The following TRIO variants were observed in gnomAD, a reference collection of about 807,000 sequenced individuals.
TRIO encodes the protein triple functional domain protein.
In TRIO, 58 loss-of-function variants were observed where a neutral mutation model predicts 351.9. The ratio of observed to expected loss-of-function variants is 0.16; its 90% CI spans 0.13 to 0.21. The LOEUF (loss-of-function observed/expected upper bound fraction) is 0.21. TRIO is among the 10% of genes least tolerant of loss of function. TRIO has a pLI of 1.00. For missense variants in TRIO, 3,201 were observed against 4,027.8 expected, an observed-to-expected ratio of 0.79 and a Z score of 5.56; for synonymous variants, 1,758 against 1,595.7, an observed-to-expected ratio of 1.10 and a Z score of -2.42.
chr5:14,379,823 T>C (rs1745907049), intron 20 of TRIO, among the ~76,000 whole-genome samples: 1 of 152,222 alleles, frequency 6.6e-6, no homozygotes. Flanking sequence ...CTGTTGCAGG[T>C]GGTGCCCCAT....
chr5:14,326,133 C>T (rs547835586), intron 9 of TRIO, among the ~76,000 whole-genome samples: 1 of 152,290 alleles, frequency 6.6e-6, no homozygotes, highest in Admixed American at 6.5e-5. Flanking sequence ...CCTGTGTCTT[C>T]ATCTGTAAGA....
chr5:14,481,420 A>G (rs1755504784), intron 44 of TRIO, 121 bp from the exon 45 acceptor site: 2 of 1,470,192 alleles, frequency 1.4e-6, no homozygotes, highest in Non-Finnish European at 1.9e-6. Context: ...GTGCATCTCC[A>G]TAAGCCCTGC....
intron 9 of TRIO, among the ~76,000 whole-genome samples, chr5:14,322,284 G>T (rs1017443337): frequency 6.6e-6 from 1 of 152,212 alleles, no homozygotes; most frequent in African/African-American, 2.4e-5. Context: ...ATGGGGGAGG[G>T]TTGGTCTTAT....
At chr5:14,373,120 G>A (rs1049727199) in intron 18 of TRIO, among the ~76,000 whole-genome samples, 2 of 152,166 alleles carry the variant, frequency 1.3e-5, no homozygotes, top group African/African-American at 4.8e-5. Context: ...TGCTGCACGA[G>A]AACAGCATGG....
intron 49 of TRIO, among the ~76,000 whole-genome samples, chr5:14,495,478 T>C (rs939465474): frequency 1.1e-4 from 16 of 152,012 alleles, no homozygotes; most frequent in Admixed American, 6.6e-4. Context: ...GGGAAGTCTT[T>C]TGTAACAAGG....
chr5:14,450,181 C>G (rs1388747879), intron 34 of TRIO, among the ~76,000 whole-genome samples: 5 of 152,206 alleles, frequency 3.3e-5, no homozygotes. Context: ...CCTCATATCT[C>G]TAGGACTCCT....
intron 1 of TRIO, among the ~76,000 whole-genome samples, chr5:14,150,391 G>C (rs1173255080): frequency 6.6e-6 from 1 of 151,992 alleles, no homozygotes; most frequent in Non-Finnish European, 1.5e-5. Context: ...GCAGTTACAT[G>C]TGTTAAAATT....
intron 27 of TRIO, among the ~76,000 whole-genome samples, chr5:14,393,402 C>T (rs12109453): frequency 6.6e-6 from 1 of 152,116 alleles, no homozygotes; most frequent in Non-Finnish European, 1.5e-5. Context: ...CCCTTATGCC[C>T]TAAAACATGT....
intron 7 of TRIO, among the ~76,000 whole-genome samples, chr5:14,302,640 A>G (rs1308196907): frequency 1.3e-5 from 2 of 152,240 alleles, no homozygotes. Context: ...GGATTTCCAT[A>G]AACAGTTATT....
At chr5:14,273,057 T>G (rs748235460) in intron 2 of TRIO, among the ~76,000 whole-genome samples, 2 of 152,124 alleles carry the variant, frequency 1.3e-5, no homozygotes, top group Non-Finnish European at 2.9e-5. Flanking sequence ...TTCCAGAACC[T>G]TTTCATCACC....
chr5:14,457,303 G>A (rs1753390194), intron 34 of TRIO, among the ~76,000 whole-genome samples: 1 of 149,262 alleles, frequency 6.7e-6, no homozygotes, highest in East Asian at 2.0e-4. Flanking sequence ...CTCATCAATG[G>A]CAGTTGTCAC....
chr5:14,468,568 G>T (rs1754449145), intron 37 of TRIO, among the ~76,000 whole-genome samples: 1 of 152,232 alleles, frequency 6.6e-6, no homozygotes, highest in Non-Finnish European at 1.5e-5. Flanking sequence ...GCATCACCCT[G>T]TGTTGGTTTC....
intron 1 of TRIO, among the ~76,000 whole-genome samples, chr5:14,182,619 C>T (rs139979356): frequency 2.3e-4 from 35 of 152,292 alleles, no homozygotes; most frequent in African/African-American, 8.2e-4. Context: ...GGAGCTTGGT[C>T]TGTAAGAAAA....
At chr5:14,359,866 T>C (rs919182009) in intron 13 of TRIO, among the ~76,000 whole-genome samples, 2 of 152,204 alleles carry the variant, frequency 1.3e-5, no homozygotes, top group African/African-American at 4.8e-5. Context: ...AAAACCTCGA[T>C]TGGGTTGCAC....
chr5:14,234,384 G>A (rs537867216), intron 1 of TRIO, among the ~76,000 whole-genome samples: 15 of 152,298 alleles, frequency 9.8e-5, no homozygotes, highest in Non-Finnish European at 5.9e-5. Flanking sequence ...ATCTGTGGGT[G>A]GGGTGGTAGC....
chr5:14,406,807 G>C, intron 33 of TRIO, 135 bp downstream of exon 33: 1 of 813,438 alleles, frequency 1.2e-6, no homozygotes, highest in Non-Finnish European at 2.0e-6. Flanking sequence ...AGTGGTGCCA[G>C]GATCCCGTGG....
chr5:14,441,985 T>C (rs907521635), intron 34 of TRIO, among the ~76,000 whole-genome samples: 1 of 152,204 alleles, frequency 6.6e-6, no homozygotes, highest in Non-Finnish European at 1.5e-5. Context: ...TAAGCTTCAC[T>C]TTGAGGAAAA....
At chr5:14,290,628 A>G in intron 4 of TRIO, 88 bp from the exon 5 acceptor site, 3 of 1,361,164 alleles carry the variant, frequency 2.2e-6, no homozygotes, top group Non-Finnish European at 2.0e-6. Context: ...TAACTTTGAA[A>G]ACCTGTGACT....
intron 31 of TRIO, 146 bp downstream of exon 31, chr5:14,401,210 A>C (rs1265862037): frequency 3.1e-6 from 2 of 651,230 alleles, no homozygotes. Flanking sequence ...CTACCACAAA[A>C]AGAATAGTGG....
Sources: gnomAD v4.1 joint callset for allele counts (sites outside exome capture counted in the v4.1 genomes callset) on GRCh38, gnomAD v4.1.1 for gene constraint, MANE v1.5 for transcripts, NCBI Gene and HGNC (gene_info 2026-07-23, HGNC 2026-07-21) for gene names.